The following INTS1 variants were observed in gnomAD, a reference collection of about 807,000 sequenced individuals.
The protein encoded by INTS1 is integrator complex subunit 1.
Under a neutral mutation model 241.6 loss-of-function variants are expected in INTS1, and 137 were observed. The ratio of observed to expected loss-of-function variants is 0.57; its 90% CI spans 0.49 to 0.65. The LOEUF is 0.65. INTS1 is among the 30% of genes least tolerant of loss of function. The probability of loss-of-function intolerance (pLI) is 0.00; values close to 1 mark genes in which losing one functional copy is unlikely to be tolerated. For missense variants in INTS1, 3,073 were observed against 3,032.2 expected (o/e 1.01, Z -0.32); for synonymous variants, 1,692 against 1,337.8 (o/e 1.26, Z -5.78).
At chr7:1,494,157 C>A (rs1244758743) in intron 14 of INTS1, among the ~76,000 whole-genome samples, 1 of 152,242 alleles carries the variant, frequency 6.6e-6, no homozygotes, top group African/African-American at 2.4e-5. Flanking sequence ...TGGGGATACA[C>A]ACACAGTCAC....
intron 30 of INTS1, among the ~76,000 whole-genome samples, chr7:1,479,995 C>T (rs1781918230): frequency 6.6e-6 from 1 of 152,248 alleles, no homozygotes; most frequent in South Asian, 2.1e-4. Flanking sequence ...AGCCAGACCT[C>T]AGGCGAGACC....
At chr7:1,483,573 C>A (rs778154379) in intron 26 of INTS1, 169 bp downstream of exon 26, 1 of 663,744 alleles carries the variant, frequency 1.5e-6, no homozygotes. Flanking sequence ...CAGAGACACG[C>A]GGGACGGACT....
chr7:1,473,001 G>T, intron 43 of INTS1, 71 bp downstream of exon 43: 1 of 1,029,656 alleles, frequency 9.7e-7, no homozygotes, highest in Non-Finnish European at 1.4e-6. Flanking sequence ...GGCTGGCTGT[G>T]CGCTGGGAAA....
Position 1,476,472 on chromosome 7 carries a change from C to T in INTS1, c.5152-17G>A. ...CCGCCGCTTCTGTAACGGGTGCCTGCATCAGCCCCGGAGCACCACCGCCTC... is the reference window on the plus strand; with the variant it reads ...CCGCCGCTTCTGTAACGGGTGCCTGTATCAGCCCCGGAGCACCACCGCCTC... On this transcript the variant is annotated splice_polypyrimidine_tract_variant and intron_variant, in intron 37 of 47. Transcript: ENST00000404767. The T allele has an allele frequency of 6.9e-7, 1 of 1,441,752 alleles. No individual in the cohort carries two copies. Among genetic ancestry groups the T allele is most frequent in the African/African-American group, 1.7e-5 (1 of 59,790 alleles). The allele number at this position is 1,441,752 out of a possible 1,614,324, so 89.3% of individuals were successfully genotyped here.
chr7:1,490,703 T>G (rs1469050901), intron 16 of INTS1, among the ~76,000 whole-genome samples: 1 of 152,214 alleles, frequency 6.6e-6, no homozygotes. Flanking sequence ...AGTCATCTGT[T>G]TTGCAGAAAC....
At chr7:1,485,583 T>G in intron 22 of INTS1, 114 bp from the exon 23 acceptor site, 1 of 1,128,650 alleles carries the variant, frequency 8.9e-7, no homozygotes, top group Non-Finnish European at 1.2e-6. Context: ...ATGTGGCGCT[T>G]GCTTCCCACG....
In INTS1 at chr7:1,504,021, C is replaced by G. The variant is rs1277523800; in HGVS notation, c.-41-20G>C. On this transcript the variant is annotated intron_variant, in intron 1 of 47. Transcript: ENST00000404767. ...CGTCACCTGCGGAGGAGCCAGCGTGCGGTCATTCCTTCACTCATTCGCTCG... is the reference window on the plus strand; with the variant it reads ...CGTCACCTGCGGAGGAGCCAGCGTGGGGTCATTCCTTCACTCATTCGCTCG... 4 of 1,273,138 alleles carry G rather than the reference C, an allele frequency of 3.1e-6. No individual in the cohort carries two copies. Among genetic ancestry groups the G allele is most frequent in the East Asian group, 2.6e-5 (1 of 38,236 alleles). 78.9% of individuals were successfully genotyped at this position (1,273,138 alleles called of 1,614,324 possible). A position where few individuals can be genotyped will look rare whatever the true frequency, so the allele number is the denominator to read the frequency against.
intron 22 of INTS1, among the ~76,000 whole-genome samples, chr7:1,485,742 A>G (rs1212587663): frequency 6.6e-6 from 1 of 152,256 alleles, no homozygotes; most frequent in East Asian, 1.9e-4. Context: ...ACGTTTCACT[A>G]GCGCATCCTT....
chr7:1,479,003 C>T, intron 31 of INTS1, 118 bp from the exon 32 acceptor site: 1 of 1,129,392 alleles, frequency 8.9e-7, no homozygotes, highest in Non-Finnish European at 1.2e-6. Context: ...GCACTTGGAG[C>T]CTGGGCCAAC....
At chr7:1,475,301 CTT>C (rs1326096958) in intron 39 of INTS1, among the ~76,000 whole-genome samples, 1 of 152,144 alleles carries the variant, frequency 6.6e-6, no homozygotes, top group Non-Finnish European at 1.5e-5. Context: ...GGGAGGCTCA[CTT>C]GAGCACAGGG....
At chr7:1,483,903 C>T (rs1443680696) in intron 25 of INTS1, 50 bp from the exon 26 acceptor site, 1 of 1,589,588 alleles carries the variant, frequency 6.3e-7, no homozygotes, top group Non-Finnish European at 8.6e-7. Context: ...GACCCTGAGC[C>T]AGCGCCGAGG....
chr7:1,497,256 G>GT lies in INTS1; in HGVS notation c.1483_1484insA (p.Ser495TyrfsTer112). On this transcript the variant is annotated frameshift_variant, in exon 11 of 48. Coordinates refer to ENST00000404767, the MANE Select transcript of INTS1 (RefSeq NM_001080453.3). LOFTEE classifies it high-confidence loss of function. The surrounding 1 kb of genome is among the most constrained non-coding windows in gnomAD (Gnocchi z 5.3). ...GATGATCTCCCGCAGCAGGGCCCGC[G>GT]AGGCCCGCAGGTAGTCGTCCTTGTT... The GT allele has an allele frequency of 6.2e-7, 1 of 1,613,480 alleles. No individual in the cohort carries two copies. Among genetic ancestry groups the GT allele is most frequent in the East Asian group, 2.2e-5 (1 of 44,776 alleles).
Position 1,480,884 on chromosome 7 carries a change from T to C in INTS1, c.3900A>G (p.Gly1300=). 1.3e-6 allele frequency: 2 copies of C among 1,558,058 alleles called. No homozygotes were observed. Among genetic ancestry groups the C allele is most frequent in the Non-Finnish European group, 1.7e-6 (2 of 1,151,956 alleles). The part of the protein sequence containing the change: ...VEVQHERGAS[G]GQTFHSLLTA... Reference sequence around the variant, plus strand: ...TGAGCAAGGAGTGGAAAGTCTGGCCTCCGGAGGCGCCGCGCTCATGCTGGA... The same window carrying C: ...TGAGCAAGGAGTGGAAAGTCTGGCCCCCGGAGGCGCCGCGCTCATGCTGGA... The change falls in exon 29 of 48, where the codon GGA becomes GGG. Residue 1300 remains glycine, a synonymous_variant. Transcript: ENST00000404767.
chr7:1,482,720 CAACGGGTG>C lies in INTS1; in HGVS notation c.3542-21_3542-14del. 6.2e-7 allele frequency: 1 copy of C among 1,611,756 alleles called. No individual in the cohort carries two copies. Among genetic ancestry groups the C allele is most frequent in the Non-Finnish European group, 8.5e-7 (1 of 1,179,318 alleles). On this transcript the variant is annotated splice_polypyrimidine_tract_variant and intron_variant, in intron 26 of 47. Transcript: ENST00000404767. ...TCGCTGTCGTCGGCTTCAGGAAGGA[CAACGGGTG>C]AGCAGCCTTCAGACCCACCGGGGCC...
rs375973359 is a variant in INTS1, at chr7:1,482,528, G to A, written c.3703+18C>T. On this transcript the variant is annotated intron_variant, in intron 27 of 47. Coordinates refer to ENST00000404767, the MANE Select transcript of INTS1 (RefSeq NM_001080453.3). The stretch of plus-strand genomic sequence containing the variant: ...CCCTGAGTCAGCAGCCCCTGCCCAA[G>A]CCCAGCCTGGACCGTACCGGCGTCC... The A allele has an allele frequency of 1.7e-4, 271 of 1,590,132 alleles. No individual in the cohort carries two copies. In the African/African-American group the frequency reaches 3.1e-3, roughly 18 times the overall value.
rs1291966440 is a variant in INTS1 at position 1,482,757 on chromosome 7, C to T, written c.3542-50G>A. On this transcript the variant is annotated intron_variant, in intron 26 of 47. Coordinates refer to ENST00000404767, the MANE Select transcript of INTS1 (RefSeq NM_001080453.3). ...AGCCTTCAGACCCACCGGGGCCCAG[C>T]CCCAAGCACCGCTGGTGCCAAGGCT... is the stretch of plus-strand genomic sequence containing the variant. The T allele has an allele frequency of 3.8e-6, 6 of 1,590,778 alleles. No individual in the cohort carries two copies. In the Admixed American group the frequency reaches 7.0e-5, roughly 18 times the overall value.
In INTS1 at chr7:1,503,563, G is replaced by T. The variant is rs534589805; in HGVS notation, c.58+340C>A. The stretch of plus-strand genomic sequence containing the variant: ...CAGCAGGCGAGTGGCAAAGTCCGGA[G>T]GATCTGAGCCGACAGTTCAGCCGCA... On this transcript the variant is annotated intron_variant, in intron 2 of 47. Transcript: ENST00000404767. Among the ~76,000 whole-genome samples, 7 of 152,358 alleles carry T rather than the reference G, an allele frequency of 4.6e-5. No individual in the cohort carries two copies. The South Asian group carries it at 1.2e-3, about 27-fold the overall frequency.
In INTS1 at chr7:1,503,176, C is replaced by G. The variant is rs1489861544; in HGVS notation, c.74G>C (p.Gly25Ala). Residue 25 changes from glycine (G) to alanine (A), a missense_variant, in exon 3 of 48, where the codon GGA becomes GCA. By Grantham distance (60) the Gly-to-Ala change is moderately conservative (BLOSUM62 0). Coordinates refer to ENST00000404767, the MANE Select transcript of INTS1 (RefSeq NM_001080453.3). ...CTTTGAGCCCAGAGCAATGAAGTCTCCTGGGGGAGGGTGCCCTGCAGAGAA... is the reference window on the plus strand; with the variant it reads ...CTTTGAGCCCAGAGCAATGAAGTCTGCTGGGGGAGGGTGCCCTGCAGAGAA... The part of the protein sequence containing the change: ...AAKPSGHPPP[G>A]DFIALGSKGQ... 6.5e-7 allele frequency: 1 copy of G among 1,538,836 alleles called. No homozygotes were observed. Among genetic ancestry groups the G allele is most frequent in the African/African-American group, 1.4e-5 (1 of 72,468 alleles).
At position 1,499,281 on chromosome 7, in the gene INTS1, G is replaced by A. The variant is rs375218760; in HGVS notation, c.924C>T (p.Pro308=). ...ELLIAEEKLS[P]EQEGQLMPRY... ...TGGGCATGAGCTGGCCCTCCTGCTC[G>A]GGGCTCAGCTTCTCCTCCGCGATCA... Residue 308 remains proline, a synonymous_variant, in exon 7 of 48, where the codon CCC becomes CCT. Coordinates refer to ENST00000404767, the MANE Select transcript of INTS1 (RefSeq NM_001080453.3). The A allele has an allele frequency of 3.0e-5, 49 of 1,609,842 alleles. No homozygotes were observed. The African/African-American group carries it at 4.7e-4, about 15-fold the overall frequency.
Sources: gnomAD v4.1 joint callset for allele counts (sites outside exome capture counted in the v4.1 genomes callset) on GRCh38, gnomAD v4.1.1 for gene constraint, Gnocchi (gnomAD v3.1) non-coding constraint, MANE v1.5 for transcripts, NCBI Gene and HGNC (gene_info 2026-07-23, HGNC 2026-07-21) for gene names.